Variants in RBFOX1 observed in about 807,000 individuals in gnomAD.
RBFOX1 encodes RNA binding fox-1 homolog 1.
RBFOX1 carries 8 observed loss-of-function variants against 57.7 expected under a neutral mutation model. The observed-to-expected ratio is 0.14, with a 90% confidence interval of 0.08 to 0.25. RBFOX1 has a LOEUF of 0.25. Ranked by LOEUF, RBFOX1 falls within the 10% of genes least tolerant of loss-of-function variation. RBFOX1 has a pLI of 1.00. For synonymous variants in RBFOX1, 326 were observed against 222.4 expected (o/e 1.47, Z -4.15); for missense variants, 611 against 548.5 (o/e 1.11, Z -1.14).
chr16:6,130,604 A>G (rs980434828), intron 1 of RBFOX1, among the ~76,000 whole-genome samples: 1 of 152,180 alleles, frequency 6.6e-6, no homozygotes, highest in African/African-American at 2.4e-5. Context: ...ATAAAAAGCA[A>G]GAATCCGTTA....
intron 4 of RBFOX1, among the ~76,000 whole-genome samples, chr16:7,099,231 A>G (rs1316935566): frequency 1.3e-5 from 2 of 152,204 alleles, no homozygotes; most frequent in Admixed American, 6.5e-5. Flanking sequence ...TGGATGTAGA[A>G]TGAGGGAGGG....
At chr16:6,448,613 T>C (rs1301696947) in intron 2 of RBFOX1, among the ~76,000 whole-genome samples, 1 of 152,220 alleles carries the variant, frequency 6.6e-6, no homozygotes, top group African/African-American at 2.4e-5. Context: ...AATCTCTAGA[T>C]GTTTCTTTTT....
At chr16:7,166,529 A>G (rs528892960) in intron 4 of RBFOX1, among the ~76,000 whole-genome samples, 4 of 152,254 alleles carry the variant, frequency 2.6e-5, no homozygotes, top group African/African-American at 9.6e-5. Flanking sequence ...GATGGCCTCA[A>G]AGAAGCCTAG....
exon 3 of RBFOX1, chr16:5,599,972 G>C (rs927854739): frequency 9.2e-5 from 14 of 151,942 alleles, no homozygotes; most frequent in African/African-American, 3.4e-4. Context: ...TTGGAGACCA[G>C]CCTGGGCAAC....
chr16:6,522,970 A>G (rs189621270), intron 2 of RBFOX1, among the ~76,000 whole-genome samples: 1 of 152,220 alleles, frequency 6.6e-6, no homozygotes, highest in Non-Finnish European at 1.5e-5. Context: ...TCTTTAAAGA[A>G]CCAGCTCCTT....
chr16:6,065,548 C>T (rs1157390899), intron 1 of RBFOX1, among the ~76,000 whole-genome samples: 1 of 152,148 alleles, frequency 6.6e-6, no homozygotes, highest in Non-Finnish European at 1.5e-5. Context: ...TTTGACATGC[C>T]CGTAACCTGC....
At chr16:6,024,727 C>T (rs1428120433) in intron 1 of RBFOX1, among the ~76,000 whole-genome samples, 8 of 152,260 alleles carry the variant, frequency 5.3e-5, no homozygotes, top group Middle Eastern at 3.4e-3. Context: ...GTGATCCACC[C>T]GCCTCCTCGG....
At chr16:7,452,109 T>G (rs564959050) in intron 4 of RBFOX1, among the ~76,000 whole-genome samples, 1 of 152,332 alleles carries the variant, frequency 6.6e-6, no homozygotes, top group African/African-American at 2.4e-5. Flanking sequence ...GAGTAAAATG[T>G]CAAAGTATAA....
At chr16:5,920,028 G>A (rs2058787173) in intron 4 of RBFOX1, among the ~76,000 whole-genome samples, 1 of 152,196 alleles carries the variant, frequency 6.6e-6, no homozygotes, top group South Asian at 2.1e-4. Flanking sequence ...CCGCCTCCGG[G>A]CTTCACGTCA....
intron 4 of RBFOX1, among the ~76,000 whole-genome samples, chr16:7,355,847 G>A (rs2097205649): frequency 6.6e-6 from 1 of 152,210 alleles, no homozygotes; most frequent in Admixed American, 6.5e-5. Flanking sequence ...TCAACCTTCA[G>A]GGTCATTTGC....
At chr16:7,513,357 G>GT (rs1261034876) in intron 4 of RBFOX1, among the ~76,000 whole-genome samples, 1 of 152,180 alleles carries the variant, frequency 6.6e-6, no homozygotes, top group East Asian at 1.9e-4. Context: ...AAATGCCTTG[G>GT]TTTAACTCTT....
At position 5,239,925 on chromosome 16, in the gene RBFOX1, G is replaced by C. The variant is rs542224352; in HGVS notation, c.39G>C (p.Lys13Asn). The change falls in exon 1 of 3, where the codon AAG becomes AAC. Residue 13 changes from lysine to asparagine, a missense_variant. Lys to Asn is a moderately conservative substitution (Grantham distance 94, BLOSUM62 0). Coordinates refer to the RBFOX1 transcript ENST00000585867. ...CCGGCAGCTCCGAAGCCACTGGCAA[G>C]CCCCGAGGCAGGGATGGCCGGCCCA... 117 of 1,517,818 alleles carry C rather than the reference G, an allele frequency of 7.7e-5. No individual in the cohort carries two copies. In the African/African-American group the frequency reaches 1.5e-3, roughly 20 times the overall value. 94.0% of individuals were successfully genotyped at this position (1,517,818 alleles called of 1,614,324 possible). A position where few individuals can be genotyped will look rare whatever the true frequency, so the allele number is the denominator to read the frequency against.
At chr16:6,709,866 G>C (rs1177862698) in intron 3 of RBFOX1, among the ~76,000 whole-genome samples, 1 of 152,192 alleles carries the variant, frequency 6.6e-6, no homozygotes, top group Non-Finnish European at 1.5e-5. Flanking sequence ...GTATGGGGAG[G>C]CTGGAGAGGG....
At chr16:6,961,163 G>GCA (rs1407145779) in intron 3 of RBFOX1, among the ~76,000 whole-genome samples, 1 of 148,944 alleles carries the variant, frequency 6.7e-6, no homozygotes, top group African/African-American at 2.5e-5. Context: ...ACACACACAC[G>GCA]CAAAAGAAAG....
intron 1 of RBFOX1, among the ~76,000 whole-genome samples, chr16:5,356,999 C>A (rs1371064505): frequency 6.6e-6 from 1 of 152,146 alleles, no homozygotes; most frequent in African/African-American, 2.4e-5. Context: ...TTATTTCCAT[C>A]CAGTAGATAA....
intron 2 of RBFOX1, among the ~76,000 whole-genome samples, chr16:5,536,985 T>C (rs2044725414): frequency 6.6e-6 from 1 of 152,222 alleles, no homozygotes; most frequent in South Asian, 2.1e-4. Context: ...CTAAGCTTTC[T>C]ATCACTGCAT....
intron 3 of RBFOX1, among the ~76,000 whole-genome samples, chr16:6,851,705 G>T (rs1437811285): frequency 6.6e-6 from 1 of 152,054 alleles, no homozygotes; most frequent in Non-Finnish European, 1.5e-5. Flanking sequence ...TCAATGCCAG[G>T]CAAAGGACTT....
intron 3 of RBFOX1, among the ~76,000 whole-genome samples, chr16:7,009,423 TTGCAAGAAACCC>T (rs2153652816): frequency 6.6e-6 from 1 of 151,938 alleles, no homozygotes; most frequent in African/African-American, 2.4e-5. Context: ...TCCACAGGCC[TTGCAAGAAACCC>T]TGCAGATCAC....
chr16:7,513,999 A>C (rs192047137), intron 4 of RBFOX1, among the ~76,000 whole-genome samples: 225 of 152,132 alleles, frequency 1.5e-3, no homozygotes, highest in African/African-American at 4.9e-3. Context: ...CTCTCTTTCT[A>C]CTTCACTGCC....
Sources: allele counts gnomAD v4.1 joint callset (sites outside exome capture counted in the v4.1 genomes callset), GRCh38; gene constraint gnomAD v4.1.1; transcripts MANE v1.5; gene names NCBI Gene and HGNC (gene_info 2026-07-23, HGNC 2026-07-21).